Variants in ERG observed in about 807,000 individuals in gnomAD.
ERG encodes ETS transcription factor ERG.
In ERG, 9 loss-of-function variants were observed where a neutral mutation model predicts 55.3. That is an observed-to-expected ratio of 0.16 (90% confidence interval 0.10 to 0.28). The LOEUF (loss-of-function observed/expected upper bound fraction) is 0.28. Among genes scored for constraint, ERG ranks in the 10% least tolerant of loss-of-function variants. The probability of loss-of-function intolerance (pLI) is 1.00; values close to 1 mark genes in which losing one functional copy is unlikely to be tolerated. For synonymous variants in ERG, 223 were observed against 237.3 expected (o/e 0.94, Z 0.55); for missense variants, 434 against 631.6 (o/e 0.69, Z 3.35).
intron 1 of ERG, among the ~76,000 whole-genome samples, chr21:38,631,142 G>T (rs533675761): frequency 6.6e-6 from 1 of 152,042 alleles, no homozygotes; most frequent in African/African-American, 2.4e-5. Flanking sequence ...TGCTTTTTCC[G>T]GGGAGTTGAC....
At chr21:38,432,790 T>G (rs1044486592) in intron 2 of ERG, among the ~76,000 whole-genome samples, 1 of 152,196 alleles carries the variant, frequency 6.6e-6, no homozygotes, top group Non-Finnish European at 1.5e-5. Context: ...GATTTGAACC[T>G]AGATAGTCAT....
intron 1 of ERG, among the ~76,000 whole-genome samples, chr21:38,623,506 C>T (rs1483381196): frequency 6.6e-6 from 1 of 152,146 alleles, no homozygotes; most frequent in African/African-American, 2.4e-5. Flanking sequence ...TCATCAAATT[C>T]AAAACACAAT....
At chr21:38,461,628 C>A (rs999732661) in intron 1 of ERG, among the ~76,000 whole-genome samples, 1 of 152,198 alleles carries the variant, frequency 6.6e-6, no homozygotes, top group Non-Finnish European at 1.5e-5. Context: ...GGTCCCCAGA[C>A]CCCTCTAAGG....
the ERG span, among the ~76,000 whole-genome samples, chr21:38,369,323 A>G: frequency 2.0e-5 from 3 of 152,094 alleles, no homozygotes; most frequent in Non-Finnish European, 2.9e-5. Context: ...CTGGTGTTAG[A>G]TGGTATCTTA....
In ERG at chr21:38,460,281, A is replaced by G. The variant is rs939054969; in HGVS notation, c.19-14660T>C. On this transcript the variant is annotated intron_variant, in intron 1 of 9. Coordinates refer to ENST00000288319, the MANE Select transcript of ERG (RefSeq NM_182918.4). This position sits in a 1 kb window ranked among gnomAD's most constrained non-coding sequence, Gnocchi z 5.0. ...AAGGCTGGGGGTGGTAGAGCCTTGC[A>G]GGCCATGGCAGGAACCTGGGTGTTG... is the stretch of plus-strand genomic sequence containing the variant. Among the ~76,000 whole-genome samples the G allele has an allele frequency of 2.0e-5, 3 of 152,214 alleles. No individual in the cohort carries two copies. The highest frequency in any genetic ancestry group is 4.4e-5 in the Non-Finnish European group (3 of 68,036).
intron 2 of ERG, among the ~76,000 whole-genome samples, chr21:38,551,073 G>A (rs947624075): frequency 2.6e-5 from 4 of 151,960 alleles, no homozygotes; most frequent in African/African-American, 9.7e-5. Flanking sequence ...CAATCTTGGG[G>A]TGTTGTATGT....
At chr21:38,521,035 C>G (rs937127532) in intron 2 of ERG, among the ~76,000 whole-genome samples, 1 of 151,994 alleles carries the variant, frequency 6.6e-6, no homozygotes, top group Non-Finnish European at 1.5e-5. Context: ...AGTGAGATAA[C>G]AAATAAAAGC....
At chr21:38,599,314 G>A (rs2060150153) in intron 1 of ERG, among the ~76,000 whole-genome samples, 1 of 152,088 alleles carries the variant, frequency 6.6e-6, no homozygotes, top group African/African-American at 2.4e-5. Context: ...GGTGAAGCTA[G>A]GGGAAGGGTA....
At chr21:38,395,270 C>T (rs1988158354) in intron 6 of ERG, 1 of 228,582 alleles carries the variant, frequency 4.4e-6, no homozygotes. Context: ...CTCAGGCTCA[C>T]TGAGATGGGG....
At chr21:38,466,034 G>A (rs895968618) in intron 1 of ERG, among the ~76,000 whole-genome samples, 2 of 152,298 alleles carry the variant, frequency 1.3e-5, no homozygotes, top group African/African-American at 4.8e-5. Flanking sequence ...AGAGATGAGT[G>A]CTAGACTTTG....
intron 2 of ERG, among the ~76,000 whole-genome samples, chr21:38,524,250 A>T (rs1365324629): frequency 6.6e-6 from 1 of 152,164 alleles, no homozygotes; most frequent in African/African-American, 2.4e-5. Context: ...ATCAAACTTA[A>T]ATTGCTTTAA....
chr21:38,657,383 T>C (rs776052062), intron 1 of ERG, among the ~76,000 whole-genome samples: 10 of 152,194 alleles, frequency 6.6e-5, no homozygotes, highest in Non-Finnish European at 1.3e-4. Context: ...TTAGTTTAAA[T>C]CTAAAACTTA....
intron 9 of ERG, among the ~76,000 whole-genome samples, chr21:38,387,962 C>T (rs753962788): frequency 3.3e-5 from 5 of 152,196 alleles, no homozygotes; most frequent in Non-Finnish European, 4.4e-5. Context: ...TTAATCACTG[C>T]GCAAACTTGC....
intron 1 of ERG, among the ~76,000 whole-genome samples, chr21:38,645,733 G>A (rs1204482711): frequency 6.6e-6 from 1 of 152,138 alleles, no homozygotes; most frequent in East Asian, 1.9e-4. Flanking sequence ...TTAAAACATA[G>A]ACAACAAAGA....
intron 2 of ERG, among the ~76,000 whole-genome samples, chr21:38,424,001 G>GAA (rs942816981): frequency 1.5e-4 from 23 of 151,986 alleles, no homozygotes; most frequent in African/African-American, 5.1e-4. Flanking sequence ...GAAAAGAAAA[G>GAA]AAATGCCGAA....
chr21:38,492,311 G>T (rs575424262), intron 1 of ERG, among the ~76,000 whole-genome samples: 17 of 152,290 alleles, frequency 1.1e-4, no homozygotes, highest in African/African-American at 4.1e-4. Flanking sequence ...GATGATGTTA[G>T]TTTGGATTAT....
intron 2 of ERG, among the ~76,000 whole-genome samples, chr21:38,572,075 G>A (rs752498580): frequency 3.7e-4 from 57 of 152,034 alleles, no homozygotes; most frequent in Admixed American, 3.3e-4. Flanking sequence ...ACTTCCTTCC[G>A]GCCAGGTGCG....
At chr21:38,412,673 A>C (rs1378910209) in intron 3 of ERG, among the ~76,000 whole-genome samples, 1 of 151,076 alleles carries the variant, frequency 6.6e-6, no homozygotes, top group Non-Finnish European at 1.5e-5. Context: ...TCTCTTTTTA[A>C]CTCCTTCTTT....
chr21:38,599,134 G>A (rs971144019), intron 1 of ERG, among the ~76,000 whole-genome samples: 10 of 152,200 alleles, frequency 6.6e-5, no homozygotes, highest in Non-Finnish European at 1.5e-4. Flanking sequence ...AGTTTGCAGA[G>A]GCTGCCTGGG....
Sources: allele counts gnomAD v4.1 joint callset (sites outside exome capture counted in the v4.1 genomes callset), GRCh38; gene constraint gnomAD v4.1.1; non-coding constraint Gnocchi (gnomAD v3.1); transcripts MANE v1.5; gene names NCBI Gene and HGNC (gene_info 2026-07-23, HGNC 2026-07-21).